The following NUP98 variants were observed in gnomAD, a reference collection of about 807,000 sequenced individuals.
The protein encoded by NUP98 is nuclear pore complex protein Nup98-Nup96.
A neutral mutation model predicts 191.9 loss-of-function variants in NUP98; 26 were observed. The observed-to-expected ratio is 0.14, with a 90% CI of 0.10 to 0.19. The LOEUF is 0.19. Ranked by LOEUF, NUP98 falls within the 10% of genes least tolerant of loss-of-function variation. NUP98 has a pLI of 1.00. For missense variants in NUP98, 1,941 were observed against 2,178.8 expected, an observed-to-expected ratio of 0.89 and a Z score of 2.17; for synonymous variants, 808 against 778.4, an observed-to-expected ratio of 1.04 and a Z score of -0.63.
At chr11:3,708,125 C>A (rs2078917885) in intron 20 of NUP98, among the ~76,000 whole-genome samples, 1 of 152,014 alleles carries the variant, frequency 6.6e-6, no homozygotes, top group African/African-American at 2.4e-5. Flanking sequence ...TAAAATAGGC[C>A]AGGTCGTGAA....
Position 3,725,167 on chromosome 11 carries a change from A to C in NUP98, c.1783T>G (p.Ser595Ala), listed in dbSNP as rs777597534. The C allele has an allele frequency of 6.2e-7, 1 of 1,602,654 alleles. No individual in the cohort carries two copies. The highest frequency in any genetic ancestry group is 8.5e-7 in the Non-Finnish European group (1 of 1,170,698). ...LKNLNNSNLFSPVNRDSENLA... is the reference protein window; with the variant it reads ...LKNLNNSNLFAPVNRDSENLA... ...TTTTCTGAATCACGATTAACAGGAG[A>C]AAAGAGATTGCTATTATTAAGGTTC... is the stretch of plus-strand genomic sequence containing the variant. The change falls in exon 15 of 33, where the codon TCT becomes GCT. Residue 595 changes from serine to alanine, a missense_variant. By Grantham distance (99) the Ser-to-Ala change is moderately conservative (BLOSUM62 1). Around this residue, in one of 6 missense-constraint regions of NUP98, gnomAD observed 453 missense variants for 438.2 expected, o/e 1.03. Coordinates refer to ENST00000324932, the MANE Select transcript of NUP98 (RefSeq NM_016320.5).
chr11:3,768,819 C>T, intron 7 of NUP98, 75 bp from the exon 8 acceptor site: 4 of 1,170,978 alleles, frequency 3.4e-6, no homozygotes, highest in South Asian at 3.9e-5. Context: ...ACAAAACCTT[C>T]CATTATCCAG....
intron 7 of NUP98, among the ~76,000 whole-genome samples, chr11:3,769,961 T>G (rs565750912): frequency 6.6e-6 from 1 of 150,966 alleles, no homozygotes; most frequent in African/African-American, 2.4e-5. Flanking sequence ...GAGAATCGCT[T>G]GAACCCAGGA....
chr11:3,690,640 G>C (rs1044691843), intron 28 of NUP98, among the ~76,000 whole-genome samples: 13 of 152,062 alleles, frequency 8.5e-5, no homozygotes, highest in African/African-American at 3.1e-4. Context: ...CAATAAAATG[G>C]TAAAATTTAA....
At chr11:3,771,717 A>G (rs1356568849) in intron 7 of NUP98, 31 bp downstream of exon 7, 5 of 1,591,544 alleles carry the variant, frequency 3.1e-6, no homozygotes, top group Non-Finnish European at 4.3e-6. Context: ...GTCTCTCCTC[A>G]GTATAATCTA....
intron 12 of NUP98, among the ~76,000 whole-genome samples, chr11:3,736,131 C>CA (rs1054856813): frequency 1.7e-4 from 26 of 151,578 alleles, no homozygotes; most frequent in African/African-American, 6.1e-4. Context: ...GGGGTTTCGC[C>CA]ATGTTGCCCA....
intron 8 of NUP98, among the ~76,000 whole-genome samples, chr11:3,763,794 T>C (rs61877629): frequency 0.07 from 10,606 of 152,218 alleles, 386 homozygotes; most frequent in Middle Eastern, 0.1. Context: ...GGGATCCACC[T>C]GCCTCAGCCT....
At chr11:3,789,849 A>G (rs2082275581) in intron 1 of NUP98, among the ~76,000 whole-genome samples, 3 of 152,048 alleles carry the variant, frequency 2.0e-5, no homozygotes, top group South Asian at 2.1e-4. Context: ...CAGTGGCATG[A>G]TCTCAGCTCA....
chr11:3,777,971 G>C (rs2081805844), intron 4 of NUP98, among the ~76,000 whole-genome samples: 1 of 151,970 alleles, frequency 6.6e-6, no homozygotes, highest in African/African-American at 2.4e-5. Context: ...GGCCGAGGCA[G>C]ATGGAACACG....
chr11:3,727,811 G>GT (rs1006257125), intron 14 of NUP98, among the ~76,000 whole-genome samples: 3 of 152,024 alleles, frequency 2.0e-5, no homozygotes, highest in Non-Finnish European at 4.4e-5. Context: ...ATCACTTGAA[G>GT]CTAGGAGTTT....
chr11:3,696,249 C>G lies in NUP98; in HGVS notation c.4010-643G>C, dbSNP rs531738042. On this transcript the variant is annotated intron_variant, in intron 25 of 32. Coordinates refer to ENST00000324932, the MANE Select transcript of NUP98 (RefSeq NM_016320.5). ...GGGCACGGTGGCTCACACCTGTAAT[C>G]CCAGTGCTCTGGGAAGCCAAGGCGG... 2.6e-5 allele frequency among the ~76,000 whole-genome samples: 4 copies of G among 152,192 alleles called. No homozygotes were observed. The South Asian group carries it at 8.3e-4, about 32-fold the overall frequency.
At chr11:3,687,513 G>A (rs534291654) in intron 28 of NUP98, among the ~76,000 whole-genome samples, 1 of 152,250 alleles carries the variant, frequency 6.6e-6, no homozygotes, top group East Asian at 1.9e-4. Context: ...AAGGTTTATA[G>A]TTAAGTTGAA....
At chr11:3,790,041 CCAAAGTG>C (rs1266345290) in intron 1 of NUP98, among the ~76,000 whole-genome samples, 8 of 152,184 alleles carry the variant, frequency 5.3e-5, no homozygotes, top group Non-Finnish European at 1.0e-4. Flanking sequence ...CCTCAGCCTC[CCAAAGTG>C]CTAGCATTAC....
At chr11:3,719,389 T>C (rs369095778) in intron 18 of NUP98, 23 bp downstream of exon 18, 14 of 1,561,982 alleles carry the variant, frequency 9.0e-6, no homozygotes, top group African/African-American at 1.4e-5. Context: ...CTGATAATTT[T>C]CTGTATGTAC....
Position 3,744,640 on chromosome 11 carries a change from G to A in NUP98, c.1277C>T (p.Ala426Val). Residue 426 changes from alanine (A) to valine (V), a missense_variant, in exon 12 of 33, where the codon GCT becomes GTT. Physicochemically the swap from Ala to Val is moderately conservative, Grantham distance 64. This residue lies in a region of NUP98 where 453 missense variants were observed against 438.2 expected (regional missense o/e 1.03). Transcript: ENST00000324932. ...LGAGFGTALG[A>V]GQASLFGNNQ... ...GTTCCCAAACAAAGATGCCTGTCCA[G>A]CACCAAGAGCTACGGAGACAAGAGG... 1 of 1,610,008 alleles carries A rather than the reference G, an allele frequency of 6.2e-7. No homozygotes were observed. The highest frequency in any genetic ancestry group is 1.1e-5 in the South Asian group (1 of 90,516).
intron 31 of NUP98, 149 bp from the exon 32 acceptor site, chr11:3,676,769 T>C (rs1170580700): frequency 2.6e-6 from 2 of 766,146 alleles, no homozygotes; most frequent in African/African-American, 3.4e-5. Context: ...CACCACCATC[T>C]AGTGGAGGAC....
chr11:3,744,771 A>C, intron 11 of NUP98, 122 bp from the exon 12 acceptor site: 1 of 1,073,290 alleles, frequency 9.3e-7, no homozygotes, highest in African/African-American at 1.6e-5. Context: ...ATTTCAACAA[A>C]GGGGTGAATA....
intron 10 of NUP98, among the ~76,000 whole-genome samples, chr11:3,758,937 G>A (rs1192716082): frequency 6.6e-6 from 1 of 151,926 alleles, no homozygotes; most frequent in East Asian, 1.9e-4. Context: ...TGACTAAAAG[G>A]GATTATAAAA....
intron 7 of NUP98, among the ~76,000 whole-genome samples, chr11:3,771,209 T>C (rs548763623): frequency 1.6e-4 from 24 of 152,284 alleles, no homozygotes; most frequent in African/African-American, 4.3e-4. Context: ...ATGTTGATAA[T>C]AGCTTTCTAA....
Sources: gnomAD v4.1 joint callset for allele counts (sites outside exome capture counted in the v4.1 genomes callset) on GRCh38, gnomAD v4.1.1 for gene constraint, gnomAD v4.1.1 regional missense constraint, MANE v1.5 for transcripts, NCBI Gene and HGNC (gene_info 2026-07-23, HGNC 2026-07-21) for gene names.